Variants in UPF2 observed in about 807,000 individuals in gnomAD.
The protein encoded by UPF2 is regulator of nonsense transcripts 2.
In UPF2, 17 loss-of-function variants were observed where a neutral mutation model predicts 141.4. The ratio of observed to expected loss-of-function variants is 0.12; its 90% CI spans 0.08 to 0.18. The LOEUF (loss-of-function observed/expected upper bound fraction) is 0.18. Among genes scored for constraint, UPF2 ranks in the 10% least tolerant of loss-of-function variants. UPF2 has a pLI of 1.00. For missense variants in UPF2, 1,152 were observed against 1,515.9 expected (o/e 0.76, Z 3.99); for synonymous variants, 540 against 498.0 (o/e 1.08, Z -1.12).
intron 6 of UPF2, among the ~76,000 whole-genome samples, chr10:12,000,680 G>A (rs1227255750): frequency 1.3e-5 from 2 of 152,078 alleles, no homozygotes; most frequent in African/African-American, 4.8e-5. Flanking sequence ...GGTGGTGCAC[G>A]TCTACAGTCC....
At chr10:11,986,229 C>T (rs6602555) in intron 8 of UPF2, among the ~76,000 whole-genome samples, 69,421 of 151,740 alleles carry the variant, frequency 0.46, 16,909 homozygotes, top group African/African-American at 0.61. Context: ...CATAAGATGG[C>T]GAAAATTACG....
chr10:12,002,472 C>T (rs564583850), intron 5 of UPF2, among the ~76,000 whole-genome samples: 5 of 152,172 alleles, frequency 3.3e-5, no homozygotes, highest in South Asian at 2.1e-4. Context: ...CATTAAAAAG[C>T]GTCTCAAACT....
rs558064854 is a variant in UPF2, at chr10:11,977,635, C to T, written c.1953+1422G>A. 1.1e-4 allele frequency among the ~76,000 whole-genome samples: 16 copies of T among 152,172 alleles called. No homozygotes were observed. In the South Asian group the frequency reaches 2.1e-3, roughly 20 times the overall value. The stretch of plus-strand genomic sequence containing the variant: ...AACCGATATAATAACTCATACTGTC[C>T]ACTAGTAAAACAGTTCCTTCTTTGT... On this transcript the variant is annotated intron_variant, in intron 9 of 21. Coordinates refer to ENST00000357604, the MANE Select transcript of UPF2 (RefSeq NM_015542.4).
chr10:12,000,988 T>C (rs1021117410), intron 6 of UPF2, among the ~76,000 whole-genome samples: 3 of 152,208 alleles, frequency 2.0e-5, no homozygotes, highest in African/African-American at 7.2e-5. Flanking sequence ...TCAGAATAAC[T>C]TTCAAATACA....
At chr10:12,013,878 G>T in intron 4 of UPF2, 146 bp downstream of exon 4, 1 of 752,718 alleles carries the variant, frequency 1.3e-6, no homozygotes, top group Non-Finnish European at 1.9e-6. Flanking sequence ...GAGGTTACAG[G>T]CATGAGCCAC....
intron 9 of UPF2, among the ~76,000 whole-genome samples, chr10:11,976,930 G>C (rs191864886): frequency 1.3e-5 from 2 of 152,326 alleles, no homozygotes; most frequent in African/African-American, 4.8e-5. Flanking sequence ...ACCCCACCTG[G>C]TAGACATGGA....
chr10:11,953,323 G>A lies in UPF2; in HGVS notation c.2851-1074C>T, dbSNP rs1466993304. Reference sequence around the variant, plus strand: ...CCCTAGGTCAACTGAATCAGAATCTGCATCTTTACAAAGTCCCCAGGGGAC... The same window carrying A: ...CCCTAGGTCAACTGAATCAGAATCTACATCTTTACAAAGTCCCCAGGGGAC... On this transcript the variant is annotated intron_variant, in intron 14 of 21. Transcript: ENST00000357604. The surrounding 1 kb of genome is among the most constrained non-coding windows in gnomAD (Gnocchi z 5.0). Among the ~76,000 whole-genome samples, 1 of 152,126 alleles carries A rather than the reference G, an allele frequency of 6.6e-6. No individual in the cohort carries two copies. Among genetic ancestry groups the A allele is most frequent in the Non-Finnish European group, 1.5e-5 (1 of 68,014 alleles).
chr10:11,967,624 A>G (rs1167040016), intron 9 of UPF2, among the ~76,000 whole-genome samples, 170 bp from the exon 10 acceptor site: 2 of 140,864 alleles, frequency 1.4e-5, no homozygotes, highest in Non-Finnish European at 3.0e-5. Flanking sequence ...ATCTTGGCTC[A>G]CTGCAACCTC....
At chr10:11,999,023 CAA>C (rs567447054) in intron 7 of UPF2, among the ~76,000 whole-genome samples, 9 of 113,434 alleles carry the variant, frequency 7.9e-5, no homozygotes, top group Middle Eastern at 5.4e-3. Flanking sequence ...AGACTCCACT[CAA>C]AAAAAAAAAA....
chr10:11,985,419 C>T (rs889145931), intron 8 of UPF2, among the ~76,000 whole-genome samples: 2 of 152,034 alleles, frequency 1.3e-5, no homozygotes, highest in African/African-American at 4.8e-5. Context: ...TGGCGGATCA[C>T]GAGGTCAGGA....
chr10:11,991,309 A>G (rs1287223311), intron 8 of UPF2, among the ~76,000 whole-genome samples: 1 of 152,194 alleles, frequency 6.6e-6, no homozygotes, highest in East Asian at 1.9e-4. Context: ...AGAAAAAGAC[A>G]ACACTGAAAA....
chr10:11,921,225 A>G lies in UPF2; in HGVS notation c.*73T>C. On this transcript the variant is annotated 3_prime_UTR_variant, in exon 22 of 22. Coordinates refer to ENST00000357604, the MANE Select transcript of UPF2 (RefSeq NM_015542.4). This position sits in a 1 kb window ranked among gnomAD's most constrained non-coding sequence, Gnocchi z 5.9. ...CTGCTGAGATGTGTCCACTGCTCTC[A>G]TTCAATTGCTGGAGGACTCCACTAA... is the stretch of plus-strand genomic sequence containing the variant. The G allele has an allele frequency of 1.9e-6, 3 of 1,599,150 alleles. No homozygotes were observed. The highest frequency in any genetic ancestry group is 2.7e-5 in the African/African-American group (2 of 74,734).
At chr10:12,020,013 C>G (rs987052484) in intron 3 of UPF2, among the ~76,000 whole-genome samples, 1 of 152,094 alleles carries the variant, frequency 6.6e-6, no homozygotes, top group Non-Finnish European at 1.5e-5. Flanking sequence ...GCATGAGCCA[C>G]CACGCCCAGT....
At chr10:11,977,222 T>A (rs1833519653) in intron 9 of UPF2, among the ~76,000 whole-genome samples, 1 of 152,148 alleles carries the variant, frequency 6.6e-6, no homozygotes, top group African/African-American at 2.4e-5. Context: ...GGGCAGGGGA[T>A]GCTGAGAAAA....
In UPF2 at chr10:11,936,442, T is replaced by G; in HGVS notation, c.3546+103A>C. On this transcript the variant is annotated intron_variant, in intron 19 of 21. Coordinates refer to ENST00000357604, the MANE Select transcript of UPF2 (RefSeq NM_015542.4). The surrounding 1 kb of genome is among the most constrained non-coding windows in gnomAD (Gnocchi z 6.6). ...AAGAAATTATTCTACCACTGAATGG[T>G]TTAAAACTGTCCAACCCTTATCCCC... The G allele has an allele frequency of 1.6e-6, 2 of 1,253,714 alleles. No homozygotes were observed. Among genetic ancestry groups the G allele is most frequent in the Non-Finnish European group, 1.1e-6 (1 of 928,056 alleles). The allele number at this position is 1,253,714 out of a possible 1,614,324, so 77.7% of individuals were successfully genotyped here. A position where few individuals can be genotyped will look rare whatever the true frequency, so the allele number is the denominator to read the frequency against.
rs1832928340 is a variant in UPF2 at position 11,940,881 on chromosome 10, C to A, written c.3378+1784G>T. Among the ~76,000 whole-genome samples, 1 of 152,138 alleles carries A rather than the reference C, an allele frequency of 6.6e-6. No homozygotes were observed. Among genetic ancestry groups the A allele is most frequent in the African/African-American group, 2.4e-5 (1 of 41,434 alleles). Reference sequence around the variant, plus strand: ...CCTTTTAGTTTTTTAAATACAGGTTCTTTTCTCCCTCAAGACATTTGACAC... The same window carrying A: ...CCTTTTAGTTTTTTAAATACAGGTTATTTTCTCCCTCAAGACATTTGACAC... On this transcript the variant is annotated intron_variant, in intron 18 of 21. Transcript: ENST00000357604. This position sits in a 1 kb window ranked among gnomAD's most constrained non-coding sequence, Gnocchi z 4.2.
chr10:12,040,657 A>G (rs889444343), intron 1 of UPF2, among the ~76,000 whole-genome samples: 14 of 152,214 alleles, frequency 9.2e-5, no homozygotes, highest in Non-Finnish European at 2.1e-4. Flanking sequence ...AACTTGTGAA[A>G]ACAACATACA....
At chr10:12,005,831 A>G (rs969499355) in intron 4 of UPF2, among the ~76,000 whole-genome samples, 2 of 151,156 alleles carry the variant, frequency 1.3e-5, no homozygotes, top group African/African-American at 4.8e-5. Flanking sequence ...TCAGCCTCCC[A>G]AAGTGCTGGG....
intron 9 of UPF2, among the ~76,000 whole-genome samples, chr10:11,968,100 AC>A (rs1227811992): frequency 6.6e-6 from 1 of 151,442 alleles, no homozygotes; most frequent in Non-Finnish European, 1.5e-5. Context: ...AATTGCTTGA[AC>A]CCCGGAGGCA....
Sources: allele counts gnomAD v4.1 joint callset (sites outside exome capture counted in the v4.1 genomes callset), GRCh38; gene constraint gnomAD v4.1.1; non-coding constraint Gnocchi (gnomAD v3.1); transcripts MANE v1.5; gene names NCBI Gene and HGNC (gene_info 2026-07-23, HGNC 2026-07-21).